The following MCM5 variants were observed in gnomAD, a reference collection of about 807,000 sequenced individuals.
MCM5 encodes DNA replication licensing factor MCM5.
In MCM5, 46 loss-of-function variants were observed where a neutral mutation model predicts 79.9. The observed-to-expected ratio is 0.58, with a 90% CI of 0.45 to 0.74. The LOEUF is 0.74. MCM5 is among the 30% of genes least tolerant of loss of function. MCM5 has a pLI of 0.00. For synonymous variants in MCM5, 404 were observed against 390.5 expected (o/e 1.03, Z -0.41); for missense variants, 883 against 1,017.0 (o/e 0.87, Z 1.79).
At chr22:35,419,855 C>T (rs1327581130) in intron 13 of MCM5, 29 bp from the exon 14 acceptor site, 1 of 1,583,878 alleles carries the variant, frequency 6.3e-7, no homozygotes, top group South Asian at 1.1e-5. Flanking sequence ...CTCCTGGCCT[C>T]ACACCAGCCT....
intron 2 of MCM5, 51 bp downstream of exon 2, chr22:35,400,656 C>T: frequency 6.6e-7 from 1 of 1,512,706 alleles, no homozygotes; most frequent in South Asian, 1.3e-5. Flanking sequence ...GCCGCTCACA[C>T]GCCTCTACCA....
At chr22:35,447,159 C>G in the MCM5 span, among the ~76,000 whole-genome samples, 15 of 152,164 alleles carry the variant, frequency 9.9e-5, no homozygotes, top group Admixed American at 1.3e-4. Context: ...GGTGGGAAAC[C>G]TGCGTCCCTC....
chr22:35,445,080 G>C, the MCM5 span, among the ~76,000 whole-genome samples: 2 of 152,164 alleles, frequency 1.3e-5, no homozygotes, highest in Non-Finnish European at 2.9e-5. Flanking sequence ...GGGCTGTCCA[G>C]AAAGAACATA....
chr22:35,423,289 C>T lies in MCM5; in HGVS notation c.2051C>T (p.Ala684Val). The stretch of plus-strand genomic sequence containing the variant: ...GAGAAGCAGCTCAAGCGCCGCTTTG[C>T]CATTGGCTCCCAGGTGTCTGAGCAC... ...RIEKQLKRRF[A>V]IGSQVSEHSI... Residue 684 changes from alanine (A) to valine (V), a missense_variant, in exon 16 of 17, where the codon GCC becomes GTC. Physicochemically the swap from Ala to Val is moderately conservative, Grantham distance 64. Transcript: ENST00000216122. 2 of 1,608,950 alleles carry T rather than the reference C, an allele frequency of 1.2e-6. No homozygotes were observed. Among genetic ancestry groups the T allele is most frequent in the South Asian group, 2.2e-5 (2 of 90,364 alleles).
chr22:35,446,660 G>A, the MCM5 span, among the ~76,000 whole-genome samples: 1 of 152,116 alleles, frequency 6.6e-6, no homozygotes, highest in African/African-American at 2.4e-5. Flanking sequence ...CTGCCCGTCC[G>A]CAGTGGGAGG....
chr22:35,411,839 C>T (rs1932391606), intron 7 of MCM5, among the ~76,000 whole-genome samples: 1 of 152,180 alleles, frequency 6.6e-6, no homozygotes, highest in African/African-American at 2.4e-5. Flanking sequence ...TTGACATGTT[C>T]ACTTACATAT....
the MCM5 span, among the ~76,000 whole-genome samples, chr22:35,446,838 G>T: frequency 2.0e-5 from 3 of 152,022 alleles, no homozygotes; most frequent in African/African-American, 7.2e-5. Flanking sequence ...TTTCTGAATG[G>T]GGGGGTTTGT....
chr22:35,403,518 C>A lies in MCM5; in HGVS notation c.399C>A (p.Ser133Arg), dbSNP rs368737692. The A allele has an allele frequency of 6.8e-6, 11 of 1,613,894 alleles. No homozygotes were observed. The highest frequency in any genetic ancestry group is 8.5e-6 in the Non-Finnish European group (10 of 1,180,052). ...DIQVMLKSDA[S>R]PSSIRSLKSD... ...AGGTCATGCTCAAGTCGGACGCCAG[C>A]CCTTCCAGCATTCGTAGCCTGAAGG... Residue 133 changes from serine to arginine, a missense_variant, in exon 4 of 17, where the codon AGC becomes AGA. Physicochemically the swap from Ser to Arg is moderately radical, Grantham distance 110 (BLOSUM62 -1). This residue lies in a region of MCM5 where 455 missense variants were observed against 517.5 expected (regional missense o/e 0.88). Transcript: ENST00000216122.
At chr22:35,421,285 G>T (rs1176378818) in intron 14 of MCM5, 33 bp from the exon 15 acceptor site, 1 of 1,600,198 alleles carries the variant, frequency 6.2e-7, no homozygotes, top group East Asian at 2.2e-5. Flanking sequence ...ATAGCGGACC[G>T]AGGCTACCCT....
chr22:35,441,911 C>T, the MCM5 span, among the ~76,000 whole-genome samples: 1 of 152,068 alleles, frequency 6.6e-6, no homozygotes, highest in Non-Finnish European at 1.5e-5. Flanking sequence ...AGCCACAAGC[C>T]GGGCCTCTTG....
chr22:35,417,489 C>G (rs1488535237), intron 12 of MCM5, among the ~76,000 whole-genome samples: 1 of 152,196 alleles, frequency 6.6e-6, no homozygotes, highest in Admixed American at 6.5e-5. Context: ...GGTGGACAAG[C>G]TGAACCCACC....
At chr22:35,408,895 G>A (rs1932295438) in intron 6 of MCM5, among the ~76,000 whole-genome samples, 1 of 152,214 alleles carries the variant, frequency 6.6e-6, no homozygotes, top group Non-Finnish European at 1.5e-5. Context: ...AGAGGCCCAG[G>A]ATGCACAGCT....
At chr22:35,406,318 C>A (rs1180751898) in intron 4 of MCM5, among the ~76,000 whole-genome samples, 1 of 129,938 alleles carries the variant, frequency 7.7e-6, no homozygotes, top group Non-Finnish European at 1.6e-5. Context: ...AATTGTGCTG[C>A]GAGGTCTTTA....
At chr22:35,442,553 G>C in the MCM5 span, among the ~76,000 whole-genome samples, 1 of 152,154 alleles carries the variant, frequency 6.6e-6, no homozygotes, top group South Asian at 2.1e-4. Context: ...GCCTTTGCCA[G>C]CTTCCAGAGG....
the MCM5 span, among the ~76,000 whole-genome samples, chr22:35,444,840 C>T: frequency 1.3e-5 from 2 of 152,064 alleles, no homozygotes; most frequent in Non-Finnish European, 2.9e-5. Flanking sequence ...GTAGCAAGAC[C>T]CTGTCTATAG....
At chr22:35,440,083 A>C in the MCM5 span, among the ~76,000 whole-genome samples, 1 of 152,266 alleles carries the variant, frequency 6.6e-6, no homozygotes, top group Admixed American at 6.5e-5. Context: ...ACATGGAGAC[A>C]TCATTTTTAC....
At position 35,406,726 on chromosome 22, in the gene MCM5, G is replaced by A. The variant is rs1365213097; in HGVS notation, c.596+1G>A. 5 of 1,606,020 alleles carry A rather than the reference G, an allele frequency of 3.1e-6. No individual in the cohort carries two copies. Among genetic ancestry groups the A allele is most frequent in the Non-Finnish European group, 4.2e-6 (5 of 1,179,898 alleles). On this transcript the variant is annotated splice_donor_variant, in intron 5 of 16. Transcript: ENST00000216122. LOFTEE classifies it high-confidence loss of function. Reference sequence around the variant, plus strand: ...ATGCCCTGCCCAGGAAGTGCAACACGTGAGTCTGTGGCCCAGAGGGACTGT... The same window carrying A: ...ATGCCCTGCCCAGGAAGTGCAACACATGAGTCTGTGGCCCAGAGGGACTGT...
At chr22:35,443,425 GC>G in the MCM5 span, among the ~76,000 whole-genome samples, 3 of 152,154 alleles carry the variant, frequency 2.0e-5, no homozygotes, top group African/African-American at 7.2e-5. Flanking sequence ...CTGGCCTCAA[GC>G]GATCCTTCCC....
the MCM5 span, among the ~76,000 whole-genome samples, chr22:35,446,627 G>A: frequency 9.9e-5 from 15 of 152,210 alleles, no homozygotes; most frequent in East Asian, 2.3e-3. Context: ...GGGAACAACC[G>A]GGGCGCCTGC....
Sources: allele counts gnomAD v4.1 joint callset (sites outside exome capture counted in the v4.1 genomes callset), GRCh38; gene constraint gnomAD v4.1.1; regional missense constraint gnomAD v4.1.1; transcripts MANE v1.5; gene names NCBI Gene and HGNC (gene_info 2026-07-23, HGNC 2026-07-21).